DCTN4: variants seen among roughly 807,000 people sequenced by gnomAD.
DCTN4 encodes the protein dynactin subunit 4.
In DCTN4, 23 loss-of-function variants were observed where a neutral mutation model predicts 62.7. The observed-to-expected ratio is 0.37, with a 90% confidence interval of 0.26 to 0.52. The LOEUF (loss-of-function observed/expected upper bound fraction) is 0.52. Ranked by LOEUF, DCTN4 falls within the 20% of genes least tolerant of loss-of-function variation. The pLI is 0.92. For synonymous variants in DCTN4, 199 were observed against 202.1 expected (o/e 0.98, Z 0.13); for missense variants, 514 against 580.4 (o/e 0.89, Z 1.18).
At chr5:150,723,062 C>G (rs1282551778) in intron 8 of DCTN4, 82 bp from the exon 9 acceptor site, 3 of 1,024,258 alleles carry the variant, frequency 2.9e-6, no homozygotes, top group Non-Finnish European at 4.4e-6. Context: ...TTCAGAAGGA[C>G]AGCATTTACG....
intron 4 of DCTN4, among the ~76,000 whole-genome samples, chr5:150,738,946 C>T (rs933863736): frequency 2.6e-5 from 4 of 152,104 alleles, no homozygotes; most frequent in Non-Finnish European, 4.4e-5. Context: ...GTAACCCGAA[C>T]ACTTTGGGAG....
chr5:150,711,422 A>G (rs2151463930), intron 12 of DCTN4, 60 bp from the exon 13 acceptor site: 1 of 1,341,520 alleles, frequency 7.5e-7, no homozygotes, highest in Non-Finnish European at 1.1e-6. Context: ...AACCACTAAG[A>G]CTTACAGTAA....
intron 3 of DCTN4, among the ~76,000 whole-genome samples, chr5:150,750,186 A>G (rs1249168965): frequency 6.6e-6 from 1 of 152,220 alleles, no homozygotes; most frequent in Non-Finnish European, 1.5e-5. Context: ...AACATCACAG[A>G]ATTCTACACT....
intron 12 of DCTN4, among the ~76,000 whole-genome samples, chr5:150,713,124 ACT>A (rs1759629145): frequency 6.6e-6 from 1 of 152,220 alleles, no homozygotes; most frequent in African/African-American, 2.4e-5. Flanking sequence ...TATTACAGTA[ACT>A]AACCAGACCT....
chr5:150,739,395 G>C (rs931810653), intron 4 of DCTN4, among the ~76,000 whole-genome samples: 5 of 152,088 alleles, frequency 3.3e-5, no homozygotes, highest in African/African-American at 9.7e-5. Flanking sequence ...ACCTCTACAA[G>C]AAAAACTACA....
intron 3 of DCTN4, 100 bp downstream of exon 3, chr5:150,753,379 T>C (rs1752745822): frequency 4.9e-6 from 5 of 1,013,048 alleles, no homozygotes; most frequent in Non-Finnish European, 7.2e-6. Flanking sequence ...ATTCTGAATT[T>C]AGCTCCTATC....
rs139070551 is a variant in DCTN4 at position 150,715,524 on chromosome 5, T to G, written c.1169+41A>C. 53 of 1,504,892 alleles carry G rather than the reference T, an allele frequency of 3.5e-5. 1 individual carries two copies. Among genetic ancestry groups the G allele is most frequent in the Middle Eastern group, 1.7e-4 (1 of 5,904 alleles). The allele number at this position is 1,504,892 out of a possible 1,614,324, so 93.2% of individuals were successfully genotyped here. On this transcript the variant is annotated intron_variant, in intron 12 of 12. Coordinates refer to ENST00000447998, the MANE Select transcript of DCTN4 (RefSeq NM_016221.4). Reference sequence around the variant, plus strand: ...CTGGATATAAGTGGGCATTCTATTATCAGCCATTTGTTGTATGGGGATCAC... The same window carrying G: ...CTGGATATAAGTGGGCATTCTATTAGCAGCCATTTGTTGTATGGGGATCAC...
At chr5:150,723,417 C>A (rs191928712) in intron 8 of DCTN4, among the ~76,000 whole-genome samples, 5 of 152,306 alleles carry the variant, frequency 3.3e-5, no homozygotes, top group Non-Finnish European at 7.3e-5. Context: ...AAAATGGACA[C>A]TGGGATTTAA....
In DCTN4 at chr5:150,742,227, C is replaced by G. The variant is rs1000406704; in HGVS notation, c.386-70G>C. On this transcript the variant is annotated intron_variant, in intron 3 of 12. Transcript: ENST00000447998. ...ATTTTATTTTCATAAAACAAGTCTT[C>G]TGTAGGCCATAAAAAGAAACTTAAA... is the stretch of plus-strand genomic sequence containing the variant. The G allele has an allele frequency of 1.4e-5, 21 of 1,467,784 alleles. No homozygotes were observed. The African/African-American group carries it at 2.6e-4, about 18-fold the overall frequency. The allele number at this position is 1,467,784 out of a possible 1,614,324, so 90.9% of individuals were successfully genotyped here.
At chr5:150,730,568 C>A in intron 8 of DCTN4, 63 bp downstream of exon 8, 4 of 1,424,390 alleles carry the variant, frequency 2.8e-6, no homozygotes, top group Non-Finnish European at 3.9e-6. Flanking sequence ...AGTCAGACAC[C>A]AGCCACATTT....
chr5:150,730,565 C>T lies in DCTN4; in HGVS notation c.834+66G>A, dbSNP rs1165902189. 15 of 1,400,410 alleles carry T rather than the reference C, an allele frequency of 1.1e-5. No homozygotes were observed. In the Admixed American group the frequency reaches 1.9e-4, roughly 18 times the overall value. 86.7% of individuals were successfully genotyped at this position (1,400,410 alleles called of 1,614,324 possible). ...TCCAAAGGTTTTGACATTAGTCAGA[C>T]ACCAGCCACATTTATTTTTGCTTTC... On this transcript the variant is annotated intron_variant, in intron 8 of 12. Coordinates refer to ENST00000447998, the MANE Select transcript of DCTN4 (RefSeq NM_016221.4).
chr5:150,733,369 GA>G lies in DCTN4; in HGVS notation c.535del (p.Ser179ArgfsTer36). The G allele has an allele frequency of 1.2e-6, 2 of 1,608,438 alleles. No homozygotes were observed. Among genetic ancestry groups the G allele is most frequent in the Non-Finnish European group, 1.7e-6 (2 of 1,177,086 alleles). On this transcript the variant is annotated frameshift_variant and splice_region_variant, in exon 5 of 13. Transcript: ENST00000447998. LOFTEE classifies it high-confidence loss of function. The part of the protein sequence containing the change: ...RRRNYMPLAF[S>X]DKYGLGTRLQ... Reference sequence around the variant, plus strand: ...ATCATTTTAGTACCAAATTCTCACCGAAAAAGCCAGAGGCATATAGTTTCTA... The same window carrying G: ...ATCATTTTAGTACCAAATTCTCACCGAAAAGCCAGAGGCATATAGTTTCTA...
rs577831667 is a variant in DCTN4 at position 150,758,355 on chromosome 5, C to T, written c.135+504G>A. 227 of 986,584 alleles carry T rather than the reference C, an allele frequency of 2.3e-4. No individual in the cohort carries two copies. In the African/African-American group the frequency reaches 3.8e-3, roughly 17 times the overall value. The allele number at this position is 986,584 out of a possible 1,614,324, so 61.1% of individuals were successfully genotyped here. A position where few individuals can be genotyped will look rare whatever the true frequency, so the allele number is the denominator to read the frequency against. ...TTTCACATAACTCACGCCGCCCCAACCTCTTCCCGGCTGCAGGCCTTGGCC... is the reference window on the plus strand; with the variant it reads ...TTTCACATAACTCACGCCGCCCCAATCTCTTCCCGGCTGCAGGCCTTGGCC... On this transcript the variant is annotated intron_variant, in intron 1 of 12. Transcript: ENST00000447998.
intron 11 of DCTN4, among the ~76,000 whole-genome samples, 174 bp downstream of exon 11, chr5:150,718,102 C>T (rs1759831574): frequency 6.6e-6 from 1 of 152,094 alleles, no homozygotes. Flanking sequence ...AACGATGAGA[C>T]CTTCAAATAG....
intron 11 of DCTN4, 132 bp from the exon 12 acceptor site, chr5:150,715,794 T>C: frequency 3.0e-6 from 2 of 675,080 alleles, no homozygotes. Context: ...CTATGGAGTT[T>C]ATAAGAACAA....
chr5:150,717,186 A>G (rs1759792262), intron 11 of DCTN4, among the ~76,000 whole-genome samples: 1 of 152,200 alleles, frequency 6.6e-6, no homozygotes, highest in Non-Finnish European at 1.5e-5. Context: ...GTAGCAAAAT[A>G]TAAAGAGAGG....
chr5:150,737,652 C>T (rs1760629486), intron 4 of DCTN4, among the ~76,000 whole-genome samples: 1 of 151,998 alleles, frequency 6.6e-6, no homozygotes, highest in Non-Finnish European at 1.5e-5. Context: ...GCATTAAATA[C>T]CTACATCAAA....
chr5:150,752,151 C>G (rs1000623756), intron 3 of DCTN4, among the ~76,000 whole-genome samples: 2 of 152,040 alleles, frequency 1.3e-5, no homozygotes, highest in African/African-American at 4.8e-5. Flanking sequence ...GCATAAATAG[C>G]AACTCAAGAT....
At chr5:150,755,300 T>G (rs1352139259) in intron 2 of DCTN4, among the ~76,000 whole-genome samples, 5 of 152,188 alleles carry the variant, frequency 3.3e-5, no homozygotes, top group African/African-American at 7.2e-5. Flanking sequence ...TCCAAATAAT[T>G]TATGCAGATA....
Sources: allele counts gnomAD v4.1 joint callset (sites outside exome capture counted in the v4.1 genomes callset), GRCh38; gene constraint gnomAD v4.1.1; transcripts MANE v1.5; gene names NCBI Gene and HGNC (gene_info 2026-07-23, HGNC 2026-07-21).